EXT1: variants seen among roughly 807,000 people sequenced by gnomAD.
EXT1 encodes exostosin-1.
Under a neutral mutation model 82.5 loss-of-function variants are expected in EXT1, and 20 were observed. That is an observed-to-expected ratio of 0.24 (90% CI 0.17 to 0.35). The LOEUF is 0.35. Ranked by LOEUF, EXT1 falls within the 10% of genes least tolerant of loss-of-function variation. The pLI is 1.00. For missense variants in EXT1, 757 were observed against 936.5 expected (o/e 0.81, Z 2.50); for synonymous variants, 348 against 350.8 (o/e 0.99, Z 0.09).
chr8:117,955,290 G>T (rs1446187673), intron 1 of EXT1, among the ~76,000 whole-genome samples: 1 of 152,176 alleles, frequency 6.6e-6, no homozygotes, highest in African/African-American at 2.4e-5. Flanking sequence ...AGGCATGATA[G>T]ATAATTAAAC....
chr8:118,055,572 C>T (rs2129931894), intron 1 of EXT1, among the ~76,000 whole-genome samples: 2 of 152,228 alleles, frequency 1.3e-5, no homozygotes, highest in Middle Eastern at 6.8e-3. Context: ...AGAAACAAAA[C>T]CTCATTCTCT....
chr8:117,882,653 T>C (rs1160449775), intron 1 of EXT1, among the ~76,000 whole-genome samples: 1 of 152,150 alleles, frequency 6.6e-6, no homozygotes, highest in East Asian at 1.9e-4. Flanking sequence ...TTGGTGCCTA[T>C]CACTTTTTTT....
intron 1 of EXT1, among the ~76,000 whole-genome samples, chr8:117,980,489 T>A (rs1815167325): frequency 6.6e-6 from 1 of 152,196 alleles, no homozygotes; most frequent in Non-Finnish European, 1.5e-5. Context: ...ACTGCTAAAA[T>A]CTTCCTTACA....
intron 1 of EXT1, among the ~76,000 whole-genome samples, chr8:117,848,262 T>C (rs1812397572): frequency 6.6e-6 from 1 of 152,170 alleles, no homozygotes; most frequent in African/African-American, 2.4e-5. Flanking sequence ...ATATTATTGA[T>C]TTACAGGAAT....
At position 117,862,144 on chromosome 8, in the gene EXT1, T is replaced by C. The variant is rs1812697355; in HGVS notation, c.963-24943A>G. Among the ~76,000 whole-genome samples the C allele has an allele frequency of 1.4e-5, 2 of 145,888 alleles. 1 individual carries two copies. Among genetic ancestry groups the C allele is most frequent in the Non-Finnish European group, 3.1e-5 (2 of 64,894 alleles). On this transcript the variant is annotated intron_variant, in intron 1 of 10. Coordinates refer to ENST00000378204, the MANE Select transcript of EXT1 (RefSeq NM_000127.3). Reference sequence around the variant, plus strand: ...TTGCCAGCAGGATAATAAAGTGTGATACAAACTCTAGCACAGTCTCAGCTG... The same window carrying C: ...TTGCCAGCAGGATAATAAAGTGTGACACAAACTCTAGCACAGTCTCAGCTG...
intron 1 of EXT1, among the ~76,000 whole-genome samples, chr8:117,972,522 T>C (rs1421033337): frequency 6.6e-6 from 1 of 152,208 alleles, no homozygotes; most frequent in Non-Finnish European, 1.5e-5. Context: ...AGTGCCTTTT[T>C]CCATCCCAGT....
chr8:117,942,410 G>T (rs150957470), intron 1 of EXT1, among the ~76,000 whole-genome samples: 2 of 152,250 alleles, frequency 1.3e-5, no homozygotes, highest in Non-Finnish European at 2.9e-5. Flanking sequence ...AGGAGTAAAT[G>T]ATAAGAAAAT....
At chr8:117,914,459 TCTGA>T (rs1813708705) in intron 1 of EXT1, among the ~76,000 whole-genome samples, 4 of 152,090 alleles carry the variant, frequency 2.6e-5, no homozygotes, top group African/African-American at 7.2e-5. Context: ...AACCATAAGG[TCTGA>T]CTGCCTGCGG....
intron 1 of EXT1, among the ~76,000 whole-genome samples, chr8:118,023,916 G>A (rs1294403433): frequency 6.6e-6 from 1 of 152,188 alleles, no homozygotes; most frequent in Non-Finnish European, 1.5e-5. Context: ...CTCACATTGT[G>A]GCTCCACACT....
intron 1 of EXT1, among the ~76,000 whole-genome samples, chr8:117,904,751 G>C (rs1471611534): frequency 6.6e-6 from 1 of 151,920 alleles, no homozygotes; most frequent in African/African-American, 2.4e-5. Flanking sequence ...AGAAGTCCAA[G>C]AGAATGCTTT....
At chr8:117,854,747 G>A (rs973002367) in intron 1 of EXT1, among the ~76,000 whole-genome samples, 1 of 152,126 alleles carries the variant, frequency 6.6e-6, no homozygotes, top group African/African-American at 2.4e-5. Flanking sequence ...CTAATACTAT[G>A]GTCCCATTTC....
At position 117,863,484 on chromosome 8, in the gene EXT1, G is replaced by A. The variant is rs958463527; in HGVS notation, c.963-26283C>T. Among the ~76,000 whole-genome samples the A allele has an allele frequency of 7.4e-5, 11 of 148,484 alleles. No homozygotes were observed. In the East Asian group the frequency reaches 9.8e-4, roughly 13 times the overall value. ...CTTTTGTATTGCTTTGCTGGCAGAC[G>A]GCTGATGCGGGCCAAATAAGAAATC... On this transcript the variant is annotated intron_variant, in intron 1 of 10. Transcript: ENST00000378204.
At chr8:117,851,442 T>C (rs1201051461) in intron 1 of EXT1, among the ~76,000 whole-genome samples, 4 of 151,302 alleles carry the variant, frequency 2.6e-5, no homozygotes, top group African/African-American at 9.7e-5. Context: ...CGGAGCCCAG[T>C]TTCCACAGAA....
chr8:117,801,277 T>A (rs1229936434), intron 10 of EXT1, among the ~76,000 whole-genome samples: 1 of 152,192 alleles, frequency 6.6e-6, no homozygotes, highest in Admixed American at 6.5e-5. Flanking sequence ...GGTAATAACA[T>A]CCCCATTTTA....
intron 1 of EXT1, among the ~76,000 whole-genome samples, chr8:117,991,149 C>T (rs555393754): frequency 3.3e-5 from 5 of 151,880 alleles, no homozygotes; most frequent in Admixed American, 3.3e-4. Context: ...CTCTGTCACC[C>T]AGACTAGATG....
intron 1 of EXT1, among the ~76,000 whole-genome samples, chr8:118,108,607 T>G (rs1054943835): frequency 6.6e-6 from 1 of 152,246 alleles, no homozygotes; most frequent in African/African-American, 2.4e-5. Flanking sequence ...GATCTTAGTC[T>G]CCGGCTTTTC....
intron 1 of EXT1, among the ~76,000 whole-genome samples, chr8:118,036,831 C>T (rs1816428056): frequency 6.6e-6 from 1 of 152,140 alleles, no homozygotes; most frequent in Non-Finnish European, 1.5e-5. Flanking sequence ...TTTTGAGCCT[C>T]TATGACCTTG....
At chr8:117,801,352 C>G (rs1476185048) in intron 10 of EXT1, among the ~76,000 whole-genome samples, 1 of 152,152 alleles carries the variant, frequency 6.6e-6, no homozygotes, top group Non-Finnish European at 1.5e-5. Flanking sequence ...GGGCAGAACT[C>G]AAGCTTCATT....
intron 1 of EXT1, among the ~76,000 whole-genome samples, chr8:117,946,570 G>A (rs915635989): frequency 1.3e-5 from 2 of 152,144 alleles, no homozygotes; most frequent in African/African-American, 4.8e-5. Flanking sequence ...TACAGGAGCG[G>A]GCAGGCACGT....
Sources: gnomAD v4.1 joint callset for allele counts (sites outside exome capture counted in the v4.1 genomes callset) on GRCh38, gnomAD v4.1.1 for gene constraint, MANE v1.5 for transcripts, NCBI Gene and HGNC (gene_info 2026-07-23, HGNC 2026-07-21) for gene names.